Variants in RPTOR observed in about 807,000 individuals in gnomAD.
RPTOR encodes regulatory associated protein of MTOR complex 1.
Under a neutral mutation model 169.9 loss-of-function variants are expected in RPTOR, and 21 were observed. That is an observed-to-expected ratio of 0.12 (90% CI 0.09 to 0.18). RPTOR has a LOEUF of 0.18. RPTOR is among the 10% of genes least tolerant of loss of function. The pLI is 1.00. For missense variants in RPTOR, 1,133 were observed against 1,855.9 expected (o/e 0.61, Z 7.16); for synonymous variants, 732 against 753.2 (o/e 0.97, Z 0.46).
chr17:80,887,276 C>T (rs1161746760), intron 17 of RPTOR, among the ~76,000 whole-genome samples: 1 of 129,158 alleles, frequency 7.7e-6, no homozygotes, highest in Non-Finnish European at 1.6e-5. Context: ...GGTGTGCTGA[C>T]TCTGAGGGGT....
At chr17:80,962,356 G>T in intron 31 of RPTOR, 105 bp from the exon 32 acceptor site, 1 of 874,650 alleles carries the variant, frequency 1.1e-6, no homozygotes, top group Admixed American at 2.1e-5. Context: ...AGCAGTGTGT[G>T]TGCAAACAGG....
chr17:80,889,467 G>A (rs75771566), intron 17 of RPTOR, among the ~76,000 whole-genome samples: 2,449 of 152,316 alleles, frequency 0.016, 68 homozygotes, highest in African/African-American at 0.056. Flanking sequence ...AGCCTGGCCA[G>A]TGTGGAGCCC....
At chr17:80,629,719 A>T (rs537442203) in intron 2 of RPTOR, among the ~76,000 whole-genome samples, 1 of 121,338 alleles carries the variant, frequency 8.2e-6, no homozygotes. Flanking sequence ...CAGCTCTTCC[A>T]TGTGTCTCTC....
intron 26 of RPTOR, among the ~76,000 whole-genome samples, chr17:80,946,561 A>G (rs1428865258): frequency 1.3e-5 from 2 of 152,322 alleles, no homozygotes; most frequent in East Asian, 3.9e-4. Flanking sequence ...GCCTCATACC[A>G]GTGGAGTCAC....
intron 21 of RPTOR, among the ~76,000 whole-genome samples, chr17:80,918,445 A>AGGCATAGCCACGAGCACCCTCGCGGGG (rs2068701907): frequency 1.2e-5 from 1 of 84,394 alleles, no homozygotes; most frequent in African/African-American, 5.1e-5. Context: ...CCCTCGCCGG[A>AGGCATAGCCACGAGCACCCTCGCGGGG]GTCATAGCCA....
intron 24 of RPTOR, among the ~76,000 whole-genome samples, chr17:80,927,551 C>T (rs1347400081): frequency 1.3e-5 from 2 of 151,972 alleles, no homozygotes; most frequent in Non-Finnish European, 2.9e-5. Flanking sequence ...TTTTTAAGTA[C>T]ACAGCAGCTG....
intron 1 of RPTOR, among the ~76,000 whole-genome samples, chr17:80,610,395 C>T (rs145564635): frequency 1.2e-4 from 18 of 152,144 alleles, no homozygotes; most frequent in African/African-American, 1.7e-4. Context: ...TAGCTCATTA[C>T]GGTGAGCAAG....
At chr17:80,684,962 T>G (rs997440233) in intron 3 of RPTOR, among the ~76,000 whole-genome samples, 1 of 152,222 alleles carries the variant, frequency 6.6e-6, no homozygotes, top group Non-Finnish European at 1.5e-5. Context: ...AATACCGCAT[T>G]GTATAACCTT....
intron 13 of RPTOR, among the ~76,000 whole-genome samples, chr17:80,864,838 A>C (rs78627700): frequency 0.016 from 2,423 of 152,274 alleles, 67 homozygotes; most frequent in African/African-American, 0.055. Flanking sequence ...AGCCTTTTGC[A>C]CTCTTAATTT....
At chr17:80,607,248 C>G (rs1024163636) in intron 1 of RPTOR, among the ~76,000 whole-genome samples, 1 of 152,176 alleles carries the variant, frequency 6.6e-6, no homozygotes, top group Non-Finnish European at 1.5e-5. Flanking sequence ...TTTCTTCAAC[C>G]TGAAAACTAT....
chr17:80,879,169 G>T (rs148017916), intron 13 of RPTOR, among the ~76,000 whole-genome samples: 1 of 152,034 alleles, frequency 6.6e-6, no homozygotes, highest in Non-Finnish European at 1.5e-5. Context: ...GGATGAAAAC[G>T]CAACCCACCT....
intron 17 of RPTOR, among the ~76,000 whole-genome samples, chr17:80,889,985 G>A (rs2068299016): frequency 6.8e-6 from 1 of 146,326 alleles, no homozygotes; most frequent in African/African-American, 2.7e-5. Context: ...ACAGCAGGAT[G>A]TGCGGCCTCC....
chr17:80,563,268 G>T (rs958497399), intron 1 of RPTOR, among the ~76,000 whole-genome samples: 1 of 151,888 alleles, frequency 6.6e-6, no homozygotes, highest in Non-Finnish European at 1.5e-5. Flanking sequence ...CAACAGGCTG[G>T]AGTGCAGAGG....
chr17:80,665,618 C>T (rs2065772571), intron 3 of RPTOR, among the ~76,000 whole-genome samples: 1 of 150,978 alleles, frequency 6.6e-6, no homozygotes, highest in African/African-American at 2.4e-5. Context: ...GATCTCGGCT[C>T]ACTGCAACCT....
intron 5 of RPTOR, among the ~76,000 whole-genome samples, chr17:80,737,918 G>A (rs531875620): frequency 1.1e-4 from 16 of 151,944 alleles, no homozygotes; most frequent in East Asian, 9.7e-4. Context: ...AGGGGAGTTC[G>A]TCCAAAACAT....
intron 20 of RPTOR, among the ~76,000 whole-genome samples, chr17:80,904,613 G>A (rs1357330005): frequency 6.6e-6 from 1 of 152,172 alleles, no homozygotes; most frequent in Non-Finnish European, 1.5e-5. Context: ...AGTTCTGTGA[G>A]TGCCAGCAGG....
rs969258665 is a variant in RPTOR, at chr17:80,964,183, G to C, written c.3940-79G>C. 9.6e-6 allele frequency: 11 copies of C among 1,146,138 alleles called. No homozygotes were observed. The East Asian group carries it at 1.4e-4, about 15-fold the overall frequency. The allele number at this position is 1,146,138 out of a possible 1,614,324, so 71.0% of individuals were successfully genotyped here. A position where few individuals can be genotyped will look rare whatever the true frequency, so the allele number is the denominator to read the frequency against. ...CCCGGCAGGAGCTGCCTAAGGATGC[G>C]GGTTGGCCTGCGCCCCCCCGCCCCC... On this transcript the variant is annotated intron_variant, in intron 33 of 33. Transcript: ENST00000306801.
chr17:80,545,847 T>C, intron 1 of RPTOR, 56 bp downstream of exon 1: 1 of 1,437,600 alleles, frequency 7.0e-7, no homozygotes, highest in Non-Finnish European at 9.4e-7. Flanking sequence ...ACAAAGAAAG[T>C]TTACAGCCCG....
intron 24 of RPTOR, among the ~76,000 whole-genome samples, chr17:80,930,444 AT>A (rs2068880284): frequency 2.3e-5 from 3 of 131,024 alleles, no homozygotes; most frequent in African/African-American, 5.9e-5. Flanking sequence ...TCCCCAGCTC[AT>A]CCTCAGCTCA....
Sources: gnomAD v4.1 joint callset for allele counts (sites outside exome capture counted in the v4.1 genomes callset) on GRCh38, gnomAD v4.1.1 for gene constraint, MANE v1.5 for transcripts, NCBI Gene and HGNC (gene_info 2026-07-23, HGNC 2026-07-21) for gene names.